CDH13: variants seen among roughly 807,000 people sequenced by gnomAD.
CDH13 encodes cadherin-13.
CDH13 carries 24 observed loss-of-function variants against 63.8 expected under a neutral mutation model. That is an observed-to-expected ratio of 0.38 (90% confidence interval 0.27 to 0.53). CDH13 has a LOEUF of 0.53. Ranked by LOEUF, CDH13 falls within the 20% of genes least tolerant of loss-of-function variation. The pLI, the probability that CDH13 is intolerant of heterozygous loss-of-function variation, is 0.85. For synonymous variants in CDH13, 503 were observed against 355.3 expected (o/e 1.42, Z -4.67); for missense variants, 1,049 against 903.1 (o/e 1.16, Z -2.07).
intron 1 of CDH13, among the ~76,000 whole-genome samples, chr16:82,630,356 C>A (rs967235689): frequency 5.9e-5 from 9 of 152,086 alleles, no homozygotes; most frequent in Non-Finnish European, 1.2e-4. Context: ...AGTCCCAAAA[C>A]AGGTTTAATA....
chr16:83,431,297 T>A (rs754111249), intron 6 of CDH13, among the ~76,000 whole-genome samples: 1 of 151,940 alleles, frequency 6.6e-6, no homozygotes, highest in East Asian at 1.9e-4. Context: ...CCAGTTCTTA[T>A]AATTGTTGCA....
chr16:82,977,250 C>T (rs1183955516), intron 2 of CDH13, among the ~76,000 whole-genome samples: 1 of 152,102 alleles, frequency 6.6e-6, no homozygotes, highest in African/African-American at 2.4e-5. Context: ...AGCTGGACAA[C>T]ACTGGGATGA....
intron 10 of CDH13, among the ~76,000 whole-genome samples, chr16:83,682,372 A>G (rs1915478824): frequency 6.6e-6 from 1 of 152,136 alleles, no homozygotes; most frequent in Admixed American, 6.5e-5. Flanking sequence ...CAGCAGCTGT[A>G]CAAGGTCGTT....
intron 1 of CDH13, among the ~76,000 whole-genome samples, chr16:82,641,953 G>T (rs1177736752): frequency 6.6e-6 from 1 of 152,180 alleles, no homozygotes. Flanking sequence ...CAGAGGTCAT[G>T]GCGCTTGCCT....
intron 6 of CDH13, among the ~76,000 whole-genome samples, chr16:83,366,352 A>G (rs1567620262): frequency 6.6e-6 from 1 of 152,242 alleles, no homozygotes; most frequent in African/African-American, 2.4e-5. Flanking sequence ...TACTTTTGGT[A>G]TGCGTGCGAT....
intron 7 of CDH13, among the ~76,000 whole-genome samples, chr16:83,528,395 T>G (rs1208645182): frequency 1.3e-5 from 2 of 152,186 alleles, no homozygotes; most frequent in Non-Finnish European, 2.9e-5. Flanking sequence ...TGGGGAAATC[T>G]CTTCCTCTGT....
At chr16:83,061,784 T>G (rs1464616429) in intron 3 of CDH13, among the ~76,000 whole-genome samples, 1 of 152,220 alleles carries the variant, frequency 6.6e-6, no homozygotes, top group South Asian at 2.1e-4. Flanking sequence ...ACGGCACTTA[T>G]GAAGAATCTG....
rs58451303 is a variant in CDH13, at chr16:83,665,172, GAAA to G, written c.1102-5610_1102-5608del. Among the ~76,000 whole-genome samples the G allele has an allele frequency of 2.7e-5, 4 of 146,394 alleles. No homozygotes were observed. The South Asian group carries it at 8.7e-4, about 32-fold the overall frequency. On this transcript the variant is annotated intron_variant, in intron 8 of 13. Coordinates refer to ENST00000567109, the MANE Select transcript of CDH13 (RefSeq NM_001257.5). ...GTGTGAGTGCCAGGCATACATAACTGAAAAAAAAAAGCTTCTTCCACACCACTC... is the reference window on the plus strand; with the variant it reads ...GTGTGAGTGCCAGGCATACATAACTGAAAAAAAGCTTCTTCCACACCACTC...
intron 5 of CDH13, 69 bp downstream of exon 5, chr16:83,217,566 C>T: frequency 6.7e-7 from 1 of 1,495,604 alleles, no homozygotes; most frequent in Admixed American, 1.8e-5. Flanking sequence ...TTTCTTCCCA[C>T]TGAGCTCATT....
intron 1 of CDH13, among the ~76,000 whole-genome samples, chr16:82,656,963 G>C (rs1211211764): frequency 5.4e-5 from 8 of 147,590 alleles, no homozygotes; most frequent in African/African-American, 2.0e-4. Flanking sequence ...TCATTGTCTG[G>C]ATGTATCACA....
intron 3 of CDH13, among the ~76,000 whole-genome samples, chr16:83,106,662 T>G (rs952599216): frequency 2.6e-5 from 4 of 152,204 alleles, no homozygotes; most frequent in African/African-American, 9.6e-5. Flanking sequence ...TTACAGAATC[T>G]TTGACGTGGG....
chr16:83,147,857 T>A (rs8064200), intron 4 of CDH13, among the ~76,000 whole-genome samples: 35,792 of 151,914 alleles, frequency 0.24, 4,848 homozygotes, highest in African/African-American at 0.38. Flanking sequence ...CCTGACACCA[T>A]CATAAGCTGT....
At chr16:83,046,699 C>A (rs543938235) in intron 3 of CDH13, among the ~76,000 whole-genome samples, 8 of 152,252 alleles carry the variant, frequency 5.3e-5, no homozygotes, top group African/African-American at 1.7e-4. Context: ...GGCAAAAGGG[C>A]TCAAAAAACT....
intron 7 of CDH13, among the ~76,000 whole-genome samples, chr16:83,574,595 C>T (rs1223559362): frequency 3.9e-5 from 6 of 152,320 alleles, no homozygotes; most frequent in African/African-American, 1.4e-4. Context: ...GCAGCTCTTG[C>T]GTGCTCAGTG....
At chr16:82,891,082 T>C (rs1398821380) in intron 2 of CDH13, among the ~76,000 whole-genome samples, 1 of 151,530 alleles carries the variant, frequency 6.6e-6, no homozygotes, top group African/African-American at 2.4e-5. Context: ...GTGATGGTGT[T>C]ATTCAATTCT....
intron 7 of CDH13, among the ~76,000 whole-genome samples, chr16:83,542,460 C>T (rs936837189): frequency 2.6e-5 from 4 of 152,204 alleles, no homozygotes; most frequent in Admixed American, 2.6e-4. Context: ...GGCATAGGGA[C>T]CAATAACGTG....
At position 83,202,165 on chromosome 16, in the gene CDH13, C is replaced by T. The variant is rs111554916; in HGVS notation, c.484-15180C>T. 4.5e-3 allele frequency among the ~76,000 whole-genome samples: 681 copies of T among 152,268 alleles called. 9 individuals carry two copies. The highest frequency in any genetic ancestry group is 0.015 in the African/African-American group (630 of 41,546). On this transcript the variant is annotated intron_variant, in intron 4 of 13. Coordinates refer to ENST00000567109, the MANE Select transcript of CDH13 (RefSeq NM_001257.5). ...CCTCAGTCTCTCCCTGTCCCAATCC[C>T]AGGCTTCCGAAAGAAATGATCTTGC...
intron 1 of CDH13, among the ~76,000 whole-genome samples, chr16:82,663,488 G>A (rs143742016): frequency 1.5e-3 from 227 of 151,776 alleles, no homozygotes; most frequent in African/African-American, 4.8e-3. Flanking sequence ...CCCAGCCACC[G>A]CCACTCATTT....
At chr16:83,086,419 C>G (rs1033040640) in intron 3 of CDH13, among the ~76,000 whole-genome samples, 4 of 152,118 alleles carry the variant, frequency 2.6e-5, no homozygotes, top group African/African-American at 4.8e-5. Context: ...CACTGGAGTT[C>G]TAATTAAGAC....
Sources: allele counts gnomAD v4.1 joint callset (sites outside exome capture counted in the v4.1 genomes callset), GRCh38; gene constraint gnomAD v4.1.1; transcripts MANE v1.5; gene names NCBI Gene and HGNC (gene_info 2026-07-23, HGNC 2026-07-21).